MAPT: variants seen among roughly 807,000 people sequenced by gnomAD.
MAPT encodes microtubule associated protein tau.
In MAPT, 34 loss-of-function variants were observed where a neutral mutation model predicts 67.9. The observed-to-expected ratio is 0.50, with a 90% CI of 0.38 to 0.67. The LOEUF (loss-of-function observed/expected upper bound fraction) is 0.67, where lower values mean the gene tolerates loss of function less well. Ranked by LOEUF, MAPT falls within the 30% of genes least tolerant of loss-of-function variation. The pLI, the probability that MAPT is intolerant of heterozygous loss-of-function variation, is 0.00. For synonymous variants in MAPT, 456 were observed against 464.5 expected (o/e 0.98, Z 0.23); for missense variants, 881 against 1,115.2 (o/e 0.79, Z 2.99).
intron 1 of MAPT, among the ~76,000 whole-genome samples, chr17:45,945,820 A>G (rs1345292599): frequency 1.3e-5 from 2 of 152,152 alleles, no homozygotes; most frequent in Non-Finnish European, 2.9e-5. Flanking sequence ...CTCAAAAAAA[A>G]AGAAAAAAAG....
chr17:45,941,673 C>CTTCCTTCCTTCCTT (rs2067919273), intron 1 of MAPT, among the ~76,000 whole-genome samples: 1 of 28,456 alleles, frequency 3.5e-5, no homozygotes, highest in African/African-American at 1.1e-4. Context: ...CCCCCTTCCC[C>CTTCCTTCCTTCCTT]CCTTCCCTCC....
chr17:45,948,005 AT>A (rs1189497481), intron 1 of MAPT, among the ~76,000 whole-genome samples: 1 of 150,534 alleles, frequency 6.6e-6, no homozygotes, highest in Non-Finnish European at 1.5e-5. Flanking sequence ...TGTTGTTGTT[AT>A]TTTTTATTTA....
chr17:46,001,793 G>T (rs1049119044), intron 9 of MAPT, among the ~76,000 whole-genome samples: 1 of 152,218 alleles, frequency 6.6e-6, no homozygotes, highest in Non-Finnish European at 1.5e-5. Flanking sequence ...CAGGCCAGGG[G>T]ACAGGGGCAG....
At position 45,983,140 on chromosome 17, in the gene MAPT, C is replaced by T. The variant is rs1341250233; in HGVS notation, c.561C>T (p.Ala187=). 4 of 1,591,326 alleles carry T rather than the reference C, an allele frequency of 2.5e-6. No homozygotes were observed. The highest frequency in any genetic ancestry group is 3.4e-6 in the Non-Finnish European group (4 of 1,168,442). The part of the protein sequence containing the change: ...KGGDWAEKGP[A]FPKPATTAYL... Reference sequence around the variant, plus strand: ...GGGACTGGGCCGAGAAGGGTCCGGCCTTTCCGAAGCCCGCCACCACTGCGT... The same window carrying T: ...GGGACTGGGCCGAGAAGGGTCCGGCTTTTCCGAAGCCCGCCACCACTGCGT... The change falls in exon 5 of 13, where the codon GCC becomes GCT. Residue 187 remains alanine (A), a synonymous_variant. Transcript: ENST00000262410.
intron 1 of MAPT, among the ~76,000 whole-genome samples, chr17:45,941,795 T>A (rs1211954982): frequency 6.6e-6 from 1 of 150,774 alleles, no homozygotes; most frequent in East Asian, 2.0e-4. Context: ...ATAAATGTTG[T>A]CCAGGCTGTT....
At position 45,983,225 on chromosome 17, in the gene MAPT, G is replaced by C; in HGVS notation, c.646G>C (p.Gly216Arg). The C allele has an allele frequency of 6.2e-7, 1 of 1,606,378 alleles. No homozygotes were observed. The change falls in exon 5 of 13, where the codon GGC becomes CGC. Residue 216 changes from glycine (G) to arginine (R), a missense_variant. Gly to Arg is a moderately radical substitution (Grantham distance 125). This residue lies in a region of MAPT where 687 missense variants were observed against 766.1 expected (regional missense o/e 0.90). Coordinates refer to ENST00000262410, the MANE Select transcript of MAPT (RefSeq NM_001377265.1). ...VVQEGFLREP[G>R]PPGLSHQLMS... Reference sequence around the variant, plus strand: ...CCAGGAAGGCTTCCTCCGAGAGCCAGGCCCCCCAGGTCTGAGCCACCAGCT... The same window carrying C: ...CCAGGAAGGCTTCCTCCGAGAGCCACGCCCCCCAGGTCTGAGCCACCAGCT...
chr17:46,004,986 G>A (rs1416002896), intron 9 of MAPT, among the ~76,000 whole-genome samples: 5 of 152,046 alleles, frequency 3.3e-5, no homozygotes, highest in Non-Finnish European at 5.9e-5. Context: ...GGGTTTCACC[G>A]TGTTAGCCAG....
intron 2 of MAPT, among the ~76,000 whole-genome samples, chr17:45,963,986 A>C (rs972009793): frequency 6.6e-6 from 1 of 152,180 alleles, no homozygotes; most frequent in African/African-American, 2.4e-5. Flanking sequence ...GGGGCTGCTC[A>C]GAGGTGTTCC....
At chr17:45,955,133 C>T (rs1337468776) in intron 1 of MAPT, among the ~76,000 whole-genome samples, 1 of 152,192 alleles carries the variant, frequency 6.6e-6, no homozygotes, top group Non-Finnish European at 1.5e-5. Flanking sequence ...TTCTTTGAAG[C>T]AGCGGCTCTC....
Position 46,020,105 on chromosome 17 carries a change from C to T in MAPT, c.2286+1375C>T, listed in dbSNP as rs571672926. Among the ~76,000 whole-genome samples, 8 of 152,098 alleles carry T rather than the reference C, an allele frequency of 5.3e-5. No homozygotes were observed. In the East Asian group the frequency reaches 9.7e-4, roughly 18 times the overall value. ...AGTGGACATCCCCAGTCAGCTGTGG[C>T]GCACCAAGAACAAGTCATGGGAACA... On this transcript the variant is annotated intron_variant, in intron 12 of 12. Coordinates refer to ENST00000262410, the MANE Select transcript of MAPT (RefSeq NM_001377265.1).
intron 1 of MAPT, among the ~76,000 whole-genome samples, chr17:45,902,606 A>G (rs930119): frequency 0.68 from 102,762 of 151,962 alleles, 34,822 homozygotes; most frequent in Middle Eastern, 0.73. Flanking sequence ...AAAGGTGGGC[A>G]TTCTCCCCGC....
rs2074528943 is a variant in MAPT at position 45,996,890 on chromosome 17, C to T, written c.1998+226C>T. 6.6e-6 allele frequency among the ~76,000 whole-genome samples: 1 copy of T among 152,222 alleles called. No homozygotes were observed. Among genetic ancestry groups the T allele is most frequent in the Admixed American group, 6.5e-5 (1 of 15,290 alleles). ...CAGTTCTTTATTGGGCTCTCCACTA[C>T]ACTGTGAGTGCCCTCCTCAGGCGAG... On this transcript the variant is annotated intron_variant, in intron 9 of 12. Transcript: ENST00000262410. The surrounding 1 kb of genome is among the most constrained non-coding windows in gnomAD (Gnocchi z 4.5).
At chr17:45,939,741 G>GAGCAGGAACCAAGTCACAGAGC (rs1272016577) in intron 1 of MAPT, among the ~76,000 whole-genome samples, 39 of 152,256 alleles carry the variant, frequency 2.6e-4, no homozygotes, top group African/African-American at 9.1e-4. Context: ...CCTGAGCGTC[G>GAGCAGGAACCAAGTCACAGAGC]AGGACCAAGT....
intron 1 of MAPT, among the ~76,000 whole-genome samples, chr17:45,931,273 T>G (rs2066827047): frequency 6.6e-6 from 1 of 152,152 alleles, no homozygotes; most frequent in Non-Finnish European, 1.5e-5. Context: ...GACAAAATGA[T>G]TGTCAGAAAT....
At position 45,971,788 on chromosome 17, in the gene MAPT, G is replaced by C. The variant is rs2071703313; in HGVS notation, c.134-71G>C. 2 of 1,102,916 alleles carry C rather than the reference G, an allele frequency of 1.8e-6. No homozygotes were observed. Among genetic ancestry groups the C allele is most frequent in the Non-Finnish European group, 2.8e-6 (2 of 716,246 alleles). The allele number at this position is 1,102,916 out of a possible 1,614,324, so 68.3% of individuals were successfully genotyped here. On this transcript the variant is annotated intron_variant, in intron 2 of 12. Coordinates refer to ENST00000262410, the MANE Select transcript of MAPT (RefSeq NM_001377265.1). The surrounding 1 kb of genome is among the most constrained non-coding windows in gnomAD (Gnocchi z 4.3). ...CAGCTCCACAGGACACTGCTCCCCA[G>C]TTCCTCCTGAGAACAAAAGGGGGCG...
At chr17:45,948,651 A>G (rs1477407908) in intron 1 of MAPT, among the ~76,000 whole-genome samples, 1 of 152,230 alleles carries the variant, frequency 6.6e-6, no homozygotes, top group South Asian at 2.1e-4. Context: ...GCTCCATTAC[A>G]TACTTCCTGT....
At chr17:45,990,967 G>A (rs1467681023) in intron 7 of MAPT, among the ~76,000 whole-genome samples, 1 of 152,188 alleles carries the variant, frequency 6.6e-6, no homozygotes, top group Non-Finnish European at 1.5e-5. Flanking sequence ...CCTTAGGGTT[G>A]TTTGCGAGAG....
chr17:45,974,448 C>A, intron 3 of MAPT: 1 of 1,608,306 alleles, frequency 6.2e-7, no homozygotes, highest in Non-Finnish European at 8.5e-7. Flanking sequence ...CAGCCCCACA[C>A]GGAGATCCCA....
Position 45,971,817 on chromosome 17 carries a change from G to A in MAPT, c.134-42G>A. The stretch of plus-strand genomic sequence containing the variant: ...CTCCTGAGAACAAAAGGGGGCGCTG[G>A]GGAGAGGCCACCGTTCTGAGGGCTC... On this transcript the variant is annotated intron_variant, in intron 2 of 12. Coordinates refer to ENST00000262410, the MANE Select transcript of MAPT (RefSeq NM_001377265.1). The surrounding 1 kb of genome is among the most constrained non-coding windows in gnomAD (Gnocchi z 4.3). 7.1e-7 allele frequency: 1 copy of A among 1,399,010 alleles called. No homozygotes were observed. 86.7% of individuals were successfully genotyped at this position (1,399,010 alleles called of 1,614,324 possible).
Sources: allele counts gnomAD v4.1 joint callset (sites outside exome capture counted in the v4.1 genomes callset), GRCh38; gene constraint gnomAD v4.1.1; regional missense constraint gnomAD v4.1.1; non-coding constraint Gnocchi (gnomAD v3.1); transcripts MANE v1.5; gene names NCBI Gene and HGNC (gene_info 2026-07-23, HGNC 2026-07-21).